The following ZNF160 variants were observed in gnomAD, a reference collection of about 807,000 sequenced individuals.
ZNF160 encodes zinc finger protein 160.
Under a neutral mutation model 13.1 loss-of-function variants are expected in ZNF160, and 9 were observed. The ratio of observed to expected loss-of-function variants is 0.69; its 90% CI spans 0.41 to 1.20. ZNF160 has a LOEUF of 1.20. Ranked by LOEUF, ZNF160 falls within the 50% of genes most tolerant of loss-of-function variation. The pLI, the probability that ZNF160 is intolerant of heterozygous loss-of-function variation, is 0.01. For missense variants in ZNF160, 838 were observed against 988.0 expected, an observed-to-expected ratio of 0.85 and a Z score of 2.04; for synonymous variants, 293 against 333.2, an observed-to-expected ratio of 0.88 and a Z score of 1.31.
chr19:53,092,533 C>T (rs1354811966), intron 1 of ZNF160, among the ~76,000 whole-genome samples: 3 of 152,170 alleles, frequency 2.0e-5, no homozygotes. Context: ...AGGGTGGTCT[C>T]AAACTCCTGA....
Position 53,075,080 on chromosome 19 carries a change from T to C in ZNF160, c.119A>G (p.Asn40Ser), listed in dbSNP as rs2084334915. 6.2e-7 allele frequency: 1 copy of C among 1,614,054 alleles called. No individual in the cohort carries two copies. The highest frequency in any genetic ancestry group is 8.5e-7 in the Non-Finnish European group (1 of 1,180,014). Reference sequence around the variant, plus strand: ...ACCCAGAGAAACAAGGTTCCAGTAGTTCTCCAACATCACGTCCCTGTATAA... The same window carrying C: ...ACCCAGAGAAACAAGGTTCCAGTAGCTCTCCAACATCACGTCCCTGTATAA... Reference protein sequence around the residue: ...RILYRDVMLENYWNLVSLGLC... With the variant: ...RILYRDVMLESYWNLVSLGLC... Residue 40 changes from asparagine to serine, a missense_variant, in exon 4 of 6, where the codon AAC becomes AGC. This residue lies in a region of ZNF160 where 387 missense variants were observed against 402.3 expected (regional missense o/e 0.96). Coordinates refer to ENST00000683776, the MANE Select transcript of ZNF160 (RefSeq NM_001322131.2).
intron 2 of ZNF160, among the ~76,000 whole-genome samples, chr19:53,087,462 G>C (rs1331610712): frequency 1.3e-5 from 2 of 152,194 alleles, no homozygotes; most frequent in Admixed American, 1.3e-4. Context: ...CTGAGCCCCA[G>C]GAAGTACAGG....
At chr19:53,094,149 G>T (rs765404228) in intron 1 of ZNF160, among the ~76,000 whole-genome samples, 5 of 152,138 alleles carry the variant, frequency 3.3e-5, no homozygotes, top group Non-Finnish European at 7.3e-5. Flanking sequence ...TTATCTCTGA[G>T]ATTTTCCCTA....
chr19:53,073,685 A>C (rs1370336250), intron 5 of ZNF160, among the ~76,000 whole-genome samples: 3 of 152,242 alleles, frequency 2.0e-5, no homozygotes, highest in African/African-American at 7.2e-5. Context: ...ATAGAGTTCA[A>C]ATGACAGGGT....
chr19:53,085,951 T>A, intron 3 of ZNF160: 1 of 1,179,562 alleles, frequency 8.5e-7, no homozygotes. Flanking sequence ...TGACAGTGCA[T>A]CCAGATGCGG....
chr19:53,074,386 G>C, intron 4 of ZNF160, 118 bp from the exon 5 acceptor site: 1 of 1,455,798 alleles, frequency 6.9e-7, no homozygotes. Context: ...TCATCCACTG[G>C]GCCAGGCGCG....
chr19:53,073,531 G>A (rs778795784), intron 5 of ZNF160: 99 of 1,590,132 alleles, frequency 6.2e-5, no homozygotes, highest in Middle Eastern at 5.0e-4. Context: ...AGGAAATGGG[G>A]TGGAACATAA....
chr19:53,080,107 C>CTT (rs60598879), intron 3 of ZNF160, among the ~76,000 whole-genome samples: 3 of 140,958 alleles, frequency 2.1e-5, no homozygotes, highest in African/African-American at 5.3e-5. Flanking sequence ...ATCAGCAGTA[C>CTT]TTTTTTTTTT....
At position 53,067,844 on chromosome 19, in the gene ZNF160, C is replaced by T; in HGVS notation, c.*233G>A. 2.0e-6 allele frequency: 1 copy of T among 490,402 alleles called. No homozygotes were observed. The highest frequency in any genetic ancestry group is 3.5e-6 in the Non-Finnish European group (1 of 286,822). 30.4% of individuals were successfully genotyped at this position (490,402 alleles called of 1,614,324 possible). A position where few individuals can be genotyped will look rare whatever the true frequency, so the allele number is the denominator to read the frequency against. ...GGTAATGGCCTCAGGATGCATATTA[C>T]ATTTGTTTCGTTTCATCAAAGATAT... is the stretch of plus-strand genomic sequence containing the variant. On this transcript the variant is annotated 3_prime_UTR_variant, in exon 6 of 6. Transcript: ENST00000683776.
In ZNF160 at chr19:53,074,169, G is replaced by C; in HGVS notation, c.242C>G (p.Thr81Arg). 1 of 1,613,872 alleles carries C rather than the reference G, an allele frequency of 6.2e-7. No homozygotes were observed. The highest frequency in any genetic ancestry group is 2.2e-5 in the East Asian group (1 of 44,848). The change falls in exon 5 of 6, where the codon ACG becomes AGG. Residue 81 changes from threonine (T) to arginine (R), a missense_variant. By Grantham distance (71) the Thr-to-Arg change is moderately conservative. This residue lies in a region of ZNF160 where 387 missense variants were observed against 402.3 expected (regional missense o/e 0.96). Transcript: ENST00000683776. ...GACCACGCCTTTGACACATTCCGGCGTTCTTGGTTTTCTTGCTATTTTCAC... is the reference window on the plus strand; with the variant it reads ...GACCACGCCTTTGACACATTCCGGCCTTCTTGGTTTTCTTGCTATTTTCAC... ...SCVKIARKPR[T>R]PECVKGVVTD...
intron 3 of ZNF160, among the ~76,000 whole-genome samples, chr19:53,078,769 C>A: frequency 6.8e-6 from 1 of 146,764 alleles, no homozygotes; most frequent in African/African-American, 2.5e-5. Flanking sequence ...TGTATACTCT[C>A]ATAAGTAGTA....
chr19:53,072,797 G>T, intron 5 of ZNF160: 2 of 294,616 alleles, frequency 6.8e-6, no homozygotes, highest in Non-Finnish European at 1.0e-5. Context: ...GTTGCGGTGA[G>T]CCGAGATCGC....
chr19:53,068,270 T>C lies in ZNF160; in HGVS notation c.2264A>G (p.His755Arg). Residue 755 changes from histidine (H) to arginine (R), a missense_variant, in exon 6 of 6, where the codon CAT (histidine) becomes CGT (arginine). Physicochemically the swap from His to Arg is conservative, Grantham distance 29. Transcript: ENST00000683776. ...ACACCTGTAAGGTTTCTCCCCAGTA[T>C]GAATTCTTCGGTGATTTGCCAGGTG... ...NAHLANHRRI[H>R]TGEKPYRCTE... 2 of 1,614,118 alleles carry C rather than the reference T, an allele frequency of 1.2e-6. No homozygotes were observed. The highest frequency in any genetic ancestry group is 8.5e-7 in the Non-Finnish European group (1 of 1,179,980).
At chr19:53,074,538 C>T (rs113957496) in intron 4 of ZNF160, among the ~76,000 whole-genome samples, 29 of 151,928 alleles carry the variant, frequency 1.9e-4, no homozygotes, top group Non-Finnish European at 3.7e-4. Context: ...GGTGTGGTGG[C>T]GGGCGCCTGT....
chr19:53,073,269 A>G (rs2084247508), intron 5 of ZNF160: 3 of 1,540,238 alleles, frequency 1.9e-6, no homozygotes, highest in Non-Finnish European at 2.6e-6. Context: ...TACGCACCCC[A>G]TGTAAGACTG....
intron 3 of ZNF160, among the ~76,000 whole-genome samples, chr19:53,082,691 TAATA>T (rs1047418672): frequency 1.3e-5 from 2 of 151,904 alleles, no homozygotes; most frequent in East Asian, 3.9e-4. Flanking sequence ...AACAAACAAA[TAATA>T]AATAAACAGA....
At chr19:53,097,528 A>T (rs142308613) in intron 1 of ZNF160, among the ~76,000 whole-genome samples, 1 of 152,214 alleles carries the variant, frequency 6.6e-6, no homozygotes, top group East Asian at 1.9e-4. Context: ...TAACTCATGG[A>T]ATAATATACA....
At chr19:53,072,923 C>T in intron 5 of ZNF160, 1 of 776,110 alleles carries the variant, frequency 1.3e-6, no homozygotes, top group African/African-American at 1.9e-5. Flanking sequence ...TATTTAGAAC[C>T]AACACAATAA....
In ZNF160 at chr19:53,067,956, T is replaced by C; in HGVS notation, c.*121A>G. 1 of 1,375,658 alleles carries C rather than the reference T, an allele frequency of 7.3e-7. No individual in the cohort carries two copies. The highest frequency in any genetic ancestry group is 1.5e-5 in the South Asian group (1 of 67,442). 85.2% of individuals were successfully genotyped at this position (1,375,658 alleles called of 1,614,324 possible). On this transcript the variant is annotated 3_prime_UTR_variant, in exon 6 of 6. Transcript: ENST00000683776. ...GATGTCTCTTGCTTATGGCCTCTCA[T>C]ATCTATTAATGCTTCAACTCATGAG...
Sources: gnomAD v4.1 joint callset for allele counts (sites outside exome capture counted in the v4.1 genomes callset) on GRCh38, gnomAD v4.1.1 for gene constraint, gnomAD v4.1.1 regional missense constraint, MANE v1.5 for transcripts, NCBI Gene and HGNC (gene_info 2026-07-23, HGNC 2026-07-21) for gene names.